TTLL5: variants seen among roughly 807,000 people sequenced by gnomAD.
TTLL5 encodes the protein tubulin polyglutamylase TTLL5.
Under a neutral mutation model 168.4 loss-of-function variants are expected in TTLL5, and 132 were observed. The observed-to-expected ratio is 0.78, with a 90% CI of 0.68 to 0.91. The LOEUF is 0.91. Ranked by LOEUF, TTLL5 falls within the 40% of genes least tolerant of loss-of-function variation. The pLI is 0.00. For synonymous variants in TTLL5, 546 were observed against 558.6 expected, an observed-to-expected ratio of 0.98 and a Z score of 0.32; for missense variants, 1,545 against 1,581.5, an observed-to-expected ratio of 0.98 and a Z score of 0.39.
intron 30 of TTLL5, among the ~76,000 whole-genome samples, chr14:75,899,620 G>T (rs565652965): frequency 6.6e-6 from 1 of 152,298 alleles, no homozygotes; most frequent in South Asian, 2.1e-4. Context: ...ATCATTAGAA[G>T]TGTTCAAATT....
intron 3 of TTLL5, among the ~76,000 whole-genome samples, chr14:75,677,000 G>A (rs1028406770): frequency 6.6e-6 from 1 of 151,890 alleles, no homozygotes; most frequent in Non-Finnish European, 1.5e-5. Flanking sequence ...TCAAATTTCT[G>A]GCCTCAAGCA....
chr14:75,806,496 T>C (rs1441307176), intron 27 of TTLL5, among the ~76,000 whole-genome samples: 1 of 152,252 alleles, frequency 6.6e-6, no homozygotes, highest in East Asian at 1.9e-4. Flanking sequence ...GTCTCCCTAC[T>C]ATCACACATG....
At chr14:75,852,902 C>T (rs1404927168) in intron 28 of TTLL5, among the ~76,000 whole-genome samples, 1 of 152,136 alleles carries the variant, frequency 6.6e-6, no homozygotes, top group Non-Finnish European at 1.5e-5. Context: ...TTACCTTTTA[C>T]ATTAAGATTT....
At chr14:75,895,881 T>C (rs1161521603) in intron 30 of TTLL5, among the ~76,000 whole-genome samples, 2 of 152,118 alleles carry the variant, frequency 1.3e-5, no homozygotes, top group East Asian at 3.8e-4. Flanking sequence ...ATCTGGCATG[T>C]GGTAGGGGGT....
intron 27 of TTLL5, among the ~76,000 whole-genome samples, chr14:75,811,000 G>T (rs111291350): frequency 1.6e-4 from 24 of 151,506 alleles, no homozygotes; most frequent in African/African-American, 5.1e-4. Flanking sequence ...TGTGGCCCAG[G>T]CAAAAAGAGG....
At chr14:75,753,192 A>G (rs1199586799) in intron 18 of TTLL5, among the ~76,000 whole-genome samples, 1 of 152,238 alleles carries the variant, frequency 6.6e-6, no homozygotes, top group Non-Finnish European at 1.5e-5. Flanking sequence ...GAGCAATTTT[A>G]ACAGATGCCT....
chr14:75,820,264 G>C, intron 28 of TTLL5, 103 bp downstream of exon 28: 1 of 1,239,572 alleles, frequency 8.1e-7, no homozygotes, highest in Non-Finnish European at 1.1e-6. Context: ...TAGCACTAAG[G>C]CATATGCCCT....
At chr14:75,725,089 C>CT (rs1888108042) in intron 12 of TTLL5, among the ~76,000 whole-genome samples, 1 of 152,140 alleles carries the variant, frequency 6.6e-6, no homozygotes, top group African/African-American at 2.4e-5. Flanking sequence ...TGATCAGAGC[C>CT]CAGTGACGTG....
At chr14:75,786,970 T>C (rs974940981) in intron 26 of TTLL5, among the ~76,000 whole-genome samples, 9 of 151,984 alleles carry the variant, frequency 5.9e-5, no homozygotes, top group Admixed American at 5.9e-4. Context: ...CAATCTCTAC[T>C]GAAAATACAA....
At chr14:75,710,008 TCTC>T (rs1886952608) in intron 9 of TTLL5, 1 of 150,540 alleles carries the variant, frequency 6.6e-6, no homozygotes, top group Non-Finnish European at 1.5e-5. Context: ...GTTTCATCAT[TCTC>T]CTTCCTCTGC....
intron 3 of TTLL5, among the ~76,000 whole-genome samples, chr14:75,670,989 T>C (rs1883694716): frequency 1.3e-5 from 2 of 152,242 alleles, no homozygotes; most frequent in Admixed American, 1.3e-4. Context: ...CCCAAGGTCA[T>C]GATCCCTGTG....
intron 31 of TTLL5, among the ~76,000 whole-genome samples, chr14:75,909,288 C>T (rs759486329): frequency 3.4e-5 from 5 of 148,508 alleles, no homozygotes; most frequent in Admixed American, 1.4e-4. Context: ...GCCCTAAAAT[C>T]GTCTCAGGGC....
At chr14:75,904,257 T>C in intron 31 of TTLL5, 1 of 1,136,218 alleles carries the variant, frequency 8.8e-7, no homozygotes, top group South Asian at 1.8e-5. Flanking sequence ...TAGTTAACTA[T>C]ATTTTTAAGA....
rs187325064 is a variant in TTLL5 at position 75,671,460 on chromosome 14, G to A, written c.181+1938G>A. On this transcript the variant is annotated intron_variant, in intron 3 of 31. Coordinates refer to ENST00000298832, the MANE Select transcript of TTLL5 (RefSeq NM_015072.5). ...GGCTGTTGGGATGTTGATAGGGAGT[G>A]CATTGAATCTATAAATCACTTCTTA... is the stretch of plus-strand genomic sequence containing the variant. Among the ~76,000 whole-genome samples, 72 of 152,234 alleles carry A rather than the reference G, an allele frequency of 4.7e-4. 2 individuals carry two copies. The Middle Eastern group carries it at 0.024, about 50-fold the overall frequency.
chr14:75,741,764 G>A (rs1566583949), intron 15 of TTLL5, among the ~76,000 whole-genome samples: 1 of 151,730 alleles, frequency 6.6e-6, no homozygotes, highest in Non-Finnish European at 1.5e-5. Flanking sequence ...GCCTCTACCC[G>A]ACCCCAAACA....
intron 27 of TTLL5, among the ~76,000 whole-genome samples, chr14:75,800,090 C>T (rs578197361): frequency 2.0e-5 from 3 of 152,322 alleles, no homozygotes; most frequent in South Asian, 4.1e-4. Context: ...TCTTCTTCCT[C>T]GGGAACACCA....
rs765493292 is a variant in TTLL5 at position 75,783,304 on chromosome 14, A to G, written c.2760A>G (p.Gln920=). 43 of 1,613,880 alleles carry G rather than the reference A, an allele frequency of 2.7e-5. No homozygotes were observed. In the South Asian group the frequency reaches 3.5e-4, roughly 13 times the overall value. Residue 920 remains glutamine, a synonymous_variant, in exon 26 of 32, where the codon CAA becomes CAG. Transcript: ENST00000298832. ...PGPCHHSSLS[Q]IPSAIPSMPH... ...CTTGCCACCATTCTTCTTTATCTCAAATTCCTTCAGCTATCCCCAGCATGC... is the reference window on the plus strand; with the variant it reads ...CTTGCCACCATTCTTCTTTATCTCAGATTCCTTCAGCTATCCCCAGCATGC...
At chr14:75,677,924 G>T (rs1884307837) in intron 3 of TTLL5, among the ~76,000 whole-genome samples, 1 of 151,756 alleles carries the variant, frequency 6.6e-6, no homozygotes, top group African/African-American at 2.4e-5. Context: ...GAGCCACCAT[G>T]CCCAGACTTG....
chr14:75,782,633 A>C, intron 25 of TTLL5, 60 bp downstream of exon 25: 1 of 1,365,068 alleles, frequency 7.3e-7, no homozygotes, highest in South Asian at 1.2e-5. Flanking sequence ...AAAAGAAGGA[A>C]ATAGTCATCA....
Sources: allele counts gnomAD v4.1 joint callset (sites outside exome capture counted in the v4.1 genomes callset), GRCh38; gene constraint gnomAD v4.1.1; transcripts MANE v1.5; gene names NCBI Gene and HGNC (gene_info 2026-07-23, HGNC 2026-07-21).